FLT1: variants seen among roughly 807,000 people sequenced by gnomAD.
The protein encoded by FLT1 is vascular endothelial growth factor receptor 1.
In FLT1, 49 loss-of-function variants were observed where a neutral mutation model predicts 156.3. The ratio of observed to expected loss-of-function variants is 0.31; its 90% CI spans 0.25 to 0.40. FLT1 has a LOEUF of 0.40. FLT1 is among the 10% of genes least tolerant of loss of function. The pLI is 1.00. For synonymous variants in FLT1, 594 were observed against 583.8 expected, an observed-to-expected ratio of 1.02 and a Z score of -0.25; for missense variants, 1,322 against 1,637.2, an observed-to-expected ratio of 0.81 and a Z score of 3.32.
chr13:28,402,425 CAAA>C (rs1377899728), intron 11 of FLT1, among the ~76,000 whole-genome samples: 1 of 152,062 alleles, frequency 6.6e-6, no homozygotes, highest in Non-Finnish European at 1.5e-5. Flanking sequence ...TTCACACCCA[CAAA>C]AAGATATATT....
chr13:28,327,980 GGCCGTCTCTC>G (rs1871763143), intron 19 of FLT1, among the ~76,000 whole-genome samples: 1 of 152,122 alleles, frequency 6.6e-6, no homozygotes, highest in South Asian at 2.1e-4. Flanking sequence ...ACGGCTACCT[GGCCGTCTCTC>G]GCCAGCAGTG....
intron 14 of FLT1, among the ~76,000 whole-genome samples, chr13:28,359,324 G>A (rs1873023747): frequency 6.6e-6 from 1 of 152,114 alleles, no homozygotes; most frequent in Admixed American, 6.6e-5. Context: ...GGGAAAACTG[G>A]ATATCTACAT....
chr13:28,485,736 G>A (rs749933271), intron 1 of FLT1, among the ~76,000 whole-genome samples: 11 of 152,176 alleles, frequency 7.2e-5, no homozygotes, highest in African/African-American at 2.2e-4. Flanking sequence ...TGTTGTAGGC[G>A]TTCCAAAGCC....
At position 28,322,707 on chromosome 13, in the gene FLT1, A is replaced by G; in HGVS notation, c.2953+83T>C. On this transcript the variant is annotated intron_variant, in intron 21 of 29. Transcript: ENST00000282397. The surrounding 1 kb of genome is among the most constrained non-coding windows in gnomAD (Gnocchi z 4.3). ...TCTCCCACGGATGTTTATTAGAGTG[A>G]TAAATAAGAAAAAAATTTCAGAGAT... 7.6e-7 allele frequency: 1 copy of G among 1,307,938 alleles called. No homozygotes were observed. The highest frequency in any genetic ancestry group is 1.1e-6 in the Non-Finnish European group (1 of 906,694). The allele number at this position is 1,307,938 out of a possible 1,614,324, so 81.0% of individuals were successfully genotyped here.
At chr13:28,363,787 T>A (rs1873193362) in intron 14 of FLT1, among the ~76,000 whole-genome samples, 1 of 152,148 alleles carries the variant, frequency 6.6e-6, no homozygotes, top group East Asian at 1.9e-4. Flanking sequence ...CTAATTTTTG[T>A]ATTTTTGTAG....
Position 28,317,530 on chromosome 13 carries a change from C to A in FLT1, c.3354G>T (p.Arg1118Ser). 1.2e-6 allele frequency: 2 copies of A among 1,613,822 alleles called. No individual in the cohort carries two copies. Among genetic ancestry groups the A allele is most frequent in the Non-Finnish European group, 1.7e-6 (2 of 1,179,740 alleles). The change falls in exon 25 of 30, where the codon AGG (arginine) becomes AGT (serine). Residue 1118 changes from arginine (R) to serine (S), a missense_variant. Arg to Ser is a moderately radical substitution (Grantham distance 110, BLOSUM62 -1). This residue lies in a region of FLT1 where 329 missense variants were observed against 366.2 expected (regional missense o/e 0.90). Transcript: ENST00000282397. The stretch of plus-strand genomic sequence containing the variant: ...GAGTAGAGTACTCAGGAGCTCTCAT[C>A]CTCATGCCTTCCCTCAGGCGACTGC... Reference protein sequence around the residue: ...DFCSRLREGMRMRAPEYSTPE... With the variant: ...DFCSRLREGMSMRAPEYSTPE...
chr13:28,353,641 G>A (rs1448341616), intron 15 of FLT1, among the ~76,000 whole-genome samples: 3 of 151,728 alleles, frequency 2.0e-5, no homozygotes, highest in Admixed American at 2.0e-4. Context: ...ATAAAGCATA[G>A]CTTAAGTCCT....
At chr13:28,448,095 A>G (rs1452901857) in intron 3 of FLT1, among the ~76,000 whole-genome samples, 1 of 152,224 alleles carries the variant, frequency 6.6e-6, no homozygotes, top group African/African-American at 2.4e-5. Context: ...CTATAATAAA[A>G]AAGACATAAT....
At chr13:28,325,839 G>C (rs1004486840) in intron 20 of FLT1, among the ~76,000 whole-genome samples, 6 of 81,252 alleles carry the variant, frequency 7.4e-5, no homozygotes, top group Admixed American at 1.1e-4. Flanking sequence ...AAAAAAAAAA[G>C]GTTCTTATTA....
intron 10 of FLT1, among the ~76,000 whole-genome samples, chr13:28,406,492 T>C (rs540330152): frequency 6.6e-6 from 1 of 152,322 alleles, no homozygotes; most frequent in South Asian, 2.1e-4. Flanking sequence ...CCATGAATTC[T>C]CTCTCTGTTT....
chr13:28,463,528 A>C (rs1365390805), intron 3 of FLT1, among the ~76,000 whole-genome samples: 1 of 152,252 alleles, frequency 6.6e-6, no homozygotes, highest in Admixed American at 6.5e-5. Context: ...AAATAAAATG[A>C]AATCCCAATA....
intron 17 of FLT1, among the ~76,000 whole-genome samples, chr13:28,335,543 C>T (rs933647642): frequency 6.6e-6 from 1 of 152,164 alleles, no homozygotes; most frequent in Non-Finnish European, 1.5e-5. Flanking sequence ...ACAAAAATGT[C>T]TTTACCTTGC....
chr13:28,366,888 A>T (rs927530971), intron 14 of FLT1, among the ~76,000 whole-genome samples: 1 of 151,992 alleles, frequency 6.6e-6, no homozygotes, highest in Non-Finnish European at 1.5e-5. Context: ...TTATCTGCCC[A>T]CTCCACTGTG....
intron 23 of FLT1, among the ~76,000 whole-genome samples, chr13:28,320,569 C>G (rs1454789327): frequency 6.6e-6 from 1 of 151,242 alleles, no homozygotes; most frequent in Admixed American, 6.6e-5. Context: ...AGCTCATCAG[C>G]TATTGTTAGT....
At chr13:28,396,359 T>C (rs929337465) in intron 12 of FLT1, among the ~76,000 whole-genome samples, 3 of 152,202 alleles carry the variant, frequency 2.0e-5, no homozygotes, top group Admixed American at 6.5e-5. Context: ...TTCCTTCCTG[T>C]ACCCATTGAG....
intron 3 of FLT1, among the ~76,000 whole-genome samples, chr13:28,465,040 C>T (rs934443847): frequency 6.6e-6 from 1 of 152,158 alleles, no homozygotes; most frequent in South Asian, 2.1e-4. Context: ...CAATATGCTA[C>T]GTGGAATTAG....
At chr13:28,430,488 A>G (rs796496760) in intron 7 of FLT1, among the ~76,000 whole-genome samples, 13 of 152,300 alleles carry the variant, frequency 8.5e-5, no homozygotes, top group African/African-American at 2.9e-4. Flanking sequence ...CCTGGCCACT[A>G]TAAGCAAGGT....
At chr13:28,369,974 A>T (rs1272296213) in intron 14 of FLT1, among the ~76,000 whole-genome samples, 2 of 152,132 alleles carry the variant, frequency 1.3e-5, no homozygotes, top group East Asian at 1.9e-4. Context: ...TAGAGGCAGG[A>T]GGACAGCTTG....
intron 1 of FLT1, among the ~76,000 whole-genome samples, chr13:28,474,994 T>C (rs1182239636): frequency 6.6e-6 from 1 of 152,192 alleles, no homozygotes; most frequent in African/African-American, 2.4e-5. Context: ...CAGTGTGAGA[T>C]TTTACACTAG....
Sources: gnomAD v4.1 joint callset for allele counts (sites outside exome capture counted in the v4.1 genomes callset) on GRCh38, gnomAD v4.1.1 for gene constraint, gnomAD v4.1.1 regional missense constraint, Gnocchi (gnomAD v3.1) non-coding constraint, MANE v1.5 for transcripts, NCBI Gene and HGNC (gene_info 2026-07-23, HGNC 2026-07-21) for gene names.